Variants in FOXI3 observed in about 807,000 individuals in gnomAD.
FOXI3 encodes forkhead box protein I3.
A neutral mutation model predicts 15.6 loss-of-function variants in FOXI3; 4 were observed. The observed-to-expected ratio is 0.26, with a 90% CI of 0.13 to 0.59. The LOEUF (loss-of-function observed/expected upper bound fraction) is 0.59. Ranked by LOEUF, FOXI3 falls within the 20% of genes least tolerant of loss-of-function variation. The pLI is 0.90. For missense variants in FOXI3, 489 were observed against 548.2 expected (o/e 0.89, Z 1.08); for synonymous variants, 238 against 244.4 (o/e 0.97, Z 0.25).
Position 88,448,839 on chromosome 2 carries a change from T to C in FOXI3, c.641-10A>G. 6.5e-7 allele frequency: 1 copy of C among 1,543,150 alleles called. No homozygotes were observed. Among genetic ancestry groups the C allele is most frequent in the Non-Finnish European group, 8.8e-7 (1 of 1,141,958 alleles). On this transcript the variant is annotated splice_polypyrimidine_tract_variant and intron_variant, in intron 1 of 1. Transcript: ENST00000428390. ...CAATAATTACCCTTTCCTGAGAAGATGAGAAAGACCAAGTTAGAGAAGGAC... is the reference window on the plus strand; with the variant it reads ...CAATAATTACCCTTTCCTGAGAAGACGAGAAAGACCAAGTTAGAGAAGGAC...
Position 88,452,437 on chromosome 2 carries a change from G to A in FOXI3, c.99C>T (p.Ala33=). Residue 33 remains alanine (A), a synonymous_variant, in exon 1 of 2, where the codon GCC becomes GCT. Transcript: ENST00000428390. ...AGTCGGCCAGCCCGTAAGGCGCCCT[G>A]GCTGCCGGGGGGGCGCCCGGGGCGG... The part of the protein sequence containing the change: ...TAAAPGAPPA[A]RAPYGLADYA... 9.6e-7 allele frequency: 1 copy of A among 1,037,732 alleles called. No homozygotes were observed. The highest frequency in any genetic ancestry group is 1.2e-6 in the Non-Finnish European group (1 of 865,982). The allele number at this position is 1,037,732 out of a possible 1,614,324, so 64.3% of individuals were successfully genotyped here.
At chr2:88,451,360 G>A (rs1304625054) in intron 1 of FOXI3, among the ~76,000 whole-genome samples, 1 of 152,154 alleles carries the variant, frequency 6.6e-6, no homozygotes, top group Non-Finnish European at 1.5e-5. Flanking sequence ...CATGATGCCC[G>A]TGCCACTATC....
rs1675955907 is a variant in FOXI3, at chr2:88,447,396, C to T, written c.*811G>A. ...AGGTTTCCTATAAAAATTCAGATATCTGGCTCTTCTATAAAAATCAGAATG... is the reference window on the plus strand; with the variant it reads ...AGGTTTCCTATAAAAATTCAGATATTTGGCTCTTCTATAAAAATCAGAATG... On this transcript the variant is annotated 3_prime_UTR_variant, in exon 2 of 2. Coordinates refer to ENST00000428390, the MANE Select transcript of FOXI3 (RefSeq NM_001135649.3). 6.6e-6 allele frequency: 1 copy of T among 152,230 alleles called. No individual in the cohort carries two copies. The allele number at this position is 152,230 out of a possible 1,614,324, so 9.4% of individuals were successfully genotyped here. A position where few individuals can be genotyped will look rare whatever the true frequency, so the allele number is the denominator to read the frequency against.
At chr2:88,450,287 G>A (rs758344412) in intron 1 of FOXI3, among the ~76,000 whole-genome samples, 26 of 151,998 alleles carry the variant, frequency 1.7e-4, no homozygotes, top group Non-Finnish European at 2.6e-4. Context: ...CAAATTAGCC[G>A]GGCACTGTGG....
Position 88,448,203 on chromosome 2 carries a change from T to G in FOXI3, c.*4A>C. ...GTGTGCATACTCAAGTCTGAGAGTC[T>G]GCTCTACACCTCGGAGCCCTCTCGG... is the stretch of plus-strand genomic sequence containing the variant. On this transcript the variant is annotated 3_prime_UTR_variant, in exon 2 of 2. Coordinates refer to ENST00000428390, the MANE Select transcript of FOXI3 (RefSeq NM_001135649.3). The G allele has an allele frequency of 1.9e-6, 3 of 1,550,352 alleles. No individual in the cohort carries two copies. Among genetic ancestry groups the G allele is most frequent in the Non-Finnish European group, 2.6e-6 (3 of 1,146,420 alleles).
Position 88,448,104 on chromosome 2 carries a change from C to G in FOXI3, c.*103G>C. 9.5e-7 allele frequency: 1 copy of G among 1,052,450 alleles called. No homozygotes were observed. Among genetic ancestry groups the G allele is most frequent in the South Asian group, 1.6e-5 (1 of 63,148 alleles). The allele number at this position is 1,052,450 out of a possible 1,614,324, so 65.2% of individuals were successfully genotyped here. On this transcript the variant is annotated 3_prime_UTR_variant, in exon 2 of 2. Transcript: ENST00000428390. ...AGATCACCCAGGAACTCGACAGAAA[C>G]GCAGAACTCAGGTCCTACCCCAGAC... is the stretch of plus-strand genomic sequence containing the variant.
Position 88,448,073 on chromosome 2 carries a change from ACCAC to A in FOXI3, c.*130_*133del. The A allele has an allele frequency of 1.3e-6, 1 of 767,942 alleles. No individual in the cohort carries two copies. The highest frequency in any genetic ancestry group is 2.1e-6 in the Non-Finnish European group (1 of 484,268). 47.6% of individuals were successfully genotyped at this position (767,942 alleles called of 1,614,324 possible). ...TCATTACTCCAAGTGTGGTCAAAGG[ACCAC>A]GAGATCACCCAGGAACTCGACAGAA... On this transcript the variant is annotated 3_prime_UTR_variant, in exon 2 of 2. Transcript: ENST00000428390.
chr2:88,449,787 A>G (rs183069002), intron 1 of FOXI3, among the ~76,000 whole-genome samples: 1 of 152,260 alleles, frequency 6.6e-6, no homozygotes, highest in East Asian at 1.9e-4. Flanking sequence ...AGTGCTTTAC[A>G]CGGATAACCT....
Position 88,447,174 on chromosome 2 carries a change from A to T in FOXI3, c.*1033T>A, listed in dbSNP as rs1675951703. 1 of 152,224 alleles carries T rather than the reference A, an allele frequency of 6.6e-6. No individual in the cohort carries two copies. The highest frequency in any genetic ancestry group is 2.1e-4 in the South Asian group (1 of 4,832). 9.4% of individuals were successfully genotyped at this position (152,224 alleles called of 1,614,324 possible). A position where few individuals can be genotyped will look rare whatever the true frequency, so the allele number is the denominator to read the frequency against. On this transcript the variant is annotated 3_prime_UTR_variant, in exon 2 of 2. Transcript: ENST00000428390. ...CAAGGTTTCTGAGAGGATTAAATGAATACATGACAAGTGCCGAGAACAGTG... is the reference window on the plus strand; with the variant it reads ...CAAGGTTTCTGAGAGGATTAAATGATTACATGACAAGTGCCGAGAACAGTG...
At position 88,448,637 on chromosome 2, in the gene FOXI3, G is replaced by A; in HGVS notation, c.833C>T (p.Pro278Leu). The A allele has an allele frequency of 6.4e-7, 1 of 1,551,706 alleles. No individual in the cohort carries two copies. Among genetic ancestry groups the A allele is most frequent in the Non-Finnish European group, 8.7e-7 (1 of 1,146,998 alleles). ...GTGGGAAGGCCTCAGCAGAGTGGAG[G>A]GGCTCTCTTCTTCTGGCTTCCCACC... ...GVGGKPEEES[P>L]STLLRPSHSP... The change falls in exon 2 of 2, where the codon CCC becomes CTC. Residue 278 changes from proline to leucine, a missense_variant. Transcript: ENST00000428390.
chr2:88,448,542 G>C lies in FOXI3; in HGVS notation c.928C>G (p.Pro310Ala), dbSNP rs1392321606. ...SPGGPMLTST[P>A]CLNTFFSSLS... is the part of the protein sequence containing the mutation. ...CTGCTGAAGAAAGTGTTGAGACAAGGGGTGGAGGTGAGCATGGGTCCTCCA... is the reference window on the plus strand; with the variant it reads ...CTGCTGAAGAAAGTGTTGAGACAAGCGGTGGAGGTGAGCATGGGTCCTCCA... Residue 310 changes from proline to alanine, a missense_variant, in exon 2 of 2, where the codon CCT (proline) becomes GCT (alanine). Transcript: ENST00000428390. 6 of 1,551,568 alleles carry C rather than the reference G, an allele frequency of 3.9e-6. No homozygotes were observed. The Admixed American group carries it at 7.8e-5, about 20-fold the overall frequency.
rs572286378 is a variant in FOXI3 at position 88,451,493 on chromosome 2, C to A, written c.640+403G>T. 1.8e-4 allele frequency among the ~76,000 whole-genome samples: 28 copies of A among 152,258 alleles called. 1 individual carries two copies. In the East Asian group the frequency reaches 5.4e-3, roughly 29 times the overall value. On this transcript the variant is annotated intron_variant, in intron 1 of 1. Coordinates refer to ENST00000428390, the MANE Select transcript of FOXI3 (RefSeq NM_001135649.3). Reference sequence around the variant, plus strand: ...CCCAGTTCTCCCACCGCGTCTTCTGCGAAACGTGATGGAAATCCCAGCTCA... The same window carrying A: ...CCCAGTTCTCCCACCGCGTCTTCTGAGAAACGTGATGGAAATCCCAGCTCA...
chr2:88,451,752 T>C, intron 1 of FOXI3, 144 bp downstream of exon 1: 2 of 1,184,874 alleles, frequency 1.7e-6, no homozygotes, highest in South Asian at 3.0e-5. Flanking sequence ...CTGGGTTGGG[T>C]GGTTATTCCT....
chr2:88,449,980 TTC>T (rs1488924859), intron 1 of FOXI3, among the ~76,000 whole-genome samples: 4 of 152,128 alleles, frequency 2.6e-5, no homozygotes, highest in Non-Finnish European at 4.4e-5. Flanking sequence ...TTTATTTATA[TTC>T]TCTGAGACTG....
rs1675965193 is a variant in FOXI3, at chr2:88,447,908, A to G, written c.*299T>C. On this transcript the variant is annotated 3_prime_UTR_variant, in exon 2 of 2. Transcript: ENST00000428390. ...CCTGGCATACAGTGATAAACAAAATAGACATGGTCCCCGCCCTCACGGGGC... is the reference window on the plus strand; with the variant it reads ...CCTGGCATACAGTGATAAACAAAATGGACATGGTCCCCGCCCTCACGGGGC... 4 of 429,622 alleles carry G rather than the reference A, an allele frequency of 9.3e-6. No homozygotes were observed. The East Asian group carries it at 1.7e-4, about 18-fold the overall frequency. The allele number at this position is 429,622 out of a possible 1,614,324, so 26.6% of individuals were successfully genotyped here. A position where few individuals can be genotyped will look rare whatever the true frequency, so the allele number is the denominator to read the frequency against.
At position 88,451,916 on chromosome 2, in the gene FOXI3, G is replaced by A; in HGVS notation, c.620C>T (p.Pro207Leu). The change falls in exon 1 of 2, where the codon CCC (proline) becomes CTC (leucine). Residue 207 changes from proline to leucine, a missense_variant. Coordinates refer to ENST00000428390, the MANE Select transcript of FOXI3 (RefSeq NM_001135649.3). ...CTCACCTGGGTCGTCCTCGTCGCGGGGCACCTTCTTGAAGCAGTCGTTGAG... is the reference window on the plus strand; with the variant it reads ...CTCACCTGGGTCGTCCTCGTCGCGGAGCACCTTCTTGAAGCAGTCGTTGAG... ...LSLNDCFKKV[P>L]RDEDDPGKGN... is the part of the protein sequence containing the mutation. 6.2e-7 allele frequency: 1 copy of A among 1,613,706 alleles called. No individual in the cohort carries two copies. Among genetic ancestry groups the A allele is most frequent in the Non-Finnish European group, 8.5e-7 (1 of 1,179,814 alleles).
Position 88,452,297 on chromosome 2 carries a change from G to A in FOXI3, c.239C>T (p.Pro80Leu). 1.0e-6 allele frequency: 1 copy of A among 981,880 alleles called. No homozygotes were observed. The highest frequency in any genetic ancestry group is 1.2e-6 in the Non-Finnish European group (1 of 829,050). 60.8% of individuals were successfully genotyped at this position (981,880 alleles called of 1,614,324 possible). A position where few individuals can be genotyped will look rare whatever the true frequency, so the allele number is the denominator to read the frequency against. The change falls in exon 1 of 2, where the codon CCG becomes CTG. Residue 80 changes from proline to leucine, a missense_variant. Around this residue, in one of 3 missense-constraint regions of FOXI3, gnomAD observed 224 missense variants for 245.7 expected, o/e 0.91. Coordinates refer to ENST00000428390, the MANE Select transcript of FOXI3 (RefSeq NM_001135649.3). ...CGCGGCCCCGGGGGGCGGCGGCGGC[G>A]GCGGAGCGCCCAGGTACGCGGCGGC... is the stretch of plus-strand genomic sequence containing the variant. ...AAAAAYLGAP[P>L]PPPPPGAAAG...
chr2:88,448,251 T>G lies in FOXI3; in HGVS notation c.1219A>C (p.Met407Leu), dbSNP rs1228319702. 1 of 1,551,590 alleles carries G rather than the reference T, an allele frequency of 6.4e-7. No homozygotes were observed. The change falls in exon 2 of 2, where the codon ATG becomes CTG. Residue 407 changes from methionine to leucine, a missense_variant. By Grantham distance (15) the Met-to-Leu change is conservative. This residue lies in a region of FOXI3 where 263 missense variants were observed against 285.5 expected (regional missense o/e 0.92). Coordinates refer to ENST00000428390, the MANE Select transcript of FOXI3 (RefSeq NM_001135649.3). ...CGGGGGTAGATGAGGCTGTTCACCA[T>G]GCTAAAGTTGTGGAAAGGGCTGCTG... ...PFSSPFHNFS[M>L]VNSLIYPREG...
intron 1 of FOXI3, among the ~76,000 whole-genome samples, chr2:88,451,476 T>C (rs574815911): frequency 6.6e-6 from 1 of 152,178 alleles, no homozygotes; most frequent in Admixed American, 6.5e-5. Context: ...ACCCCAGTTC[T>C]CCCACCGCGT....
Sources: gnomAD v4.1 joint callset for allele counts (sites outside exome capture counted in the v4.1 genomes callset) on GRCh38, gnomAD v4.1.1 for gene constraint, gnomAD v4.1.1 regional missense constraint, MANE v1.5 for transcripts, NCBI Gene and HGNC (gene_info 2026-07-23, HGNC 2026-07-21) for gene names.